Variants in CACNA2D3 observed in about 807,000 individuals in gnomAD.
CACNA2D3 encodes the protein calcium voltage-gated channel auxiliary subunit alpha2delta 3.
Under a neutral mutation model 160.6 loss-of-function variants are expected in CACNA2D3, and 60 were observed. That is an observed-to-expected ratio of 0.37 (90% CI 0.30 to 0.46). CACNA2D3 has a LOEUF of 0.46. CACNA2D3 is among the 20% of genes least tolerant of loss of function. The pLI, the probability that CACNA2D3 is intolerant of heterozygous loss-of-function variation, is 1.00. For missense variants in CACNA2D3, 1,205 were observed against 1,365.0 expected, an observed-to-expected ratio of 0.88 and a Z score of 1.85; for synonymous variants, 558 against 492.9, an observed-to-expected ratio of 1.13 and a Z score of -1.75.
intron 2 of CACNA2D3, among the ~76,000 whole-genome samples, chr3:54,298,075 A>G (rs1703380192): frequency 6.6e-6 from 1 of 152,228 alleles, no homozygotes; most frequent in Non-Finnish European, 1.5e-5. Flanking sequence ...GAATGAGCGT[A>G]AGCCAAAGAG....
At chr3:54,715,511 G>C (rs1455864705) in intron 11 of CACNA2D3, among the ~76,000 whole-genome samples, 1 of 151,962 alleles carries the variant, frequency 6.6e-6, no homozygotes, top group Non-Finnish European at 1.5e-5. Context: ...CCAGAATATG[G>C]GGGGGGCAGG....
intron 4 of CACNA2D3, among the ~76,000 whole-genome samples, chr3:54,391,763 G>A (rs1038603940): frequency 6.6e-6 from 1 of 152,030 alleles, no homozygotes; most frequent in African/African-American, 2.4e-5. Context: ...TGCCTGACTT[G>A]GCCTCCCAAA....
At chr3:54,989,114 T>C (rs1702682112) in intron 31 of CACNA2D3, among the ~76,000 whole-genome samples, 1 of 152,224 alleles carries the variant, frequency 6.6e-6, no homozygotes, top group Non-Finnish European at 1.5e-5. Flanking sequence ...TATGTGGATG[T>C]GTGCATTTGT....
chr3:54,785,238 T>C (rs1271680726), intron 13 of CACNA2D3, among the ~76,000 whole-genome samples: 1 of 152,202 alleles, frequency 6.6e-6, no homozygotes, highest in Non-Finnish European at 1.5e-5. Context: ...GCAGTGATTT[T>C]AAAAAGGGTC....
At chr3:55,026,205 T>C (rs1465504615) in intron 35 of CACNA2D3, among the ~76,000 whole-genome samples, 1 of 152,332 alleles carries the variant, frequency 6.6e-6, no homozygotes, top group South Asian at 2.1e-4. Flanking sequence ...TTCTTATTGC[T>C]AACTTGTGAG....
intron 17 of CACNA2D3, among the ~76,000 whole-genome samples, chr3:54,870,119 G>A (rs774471585): frequency 6.6e-6 from 1 of 152,150 alleles, no homozygotes; most frequent in Non-Finnish European, 1.5e-5. Flanking sequence ...CAGTTGACAG[G>A]TAAGAAAAGA....
intron 2 of CACNA2D3, among the ~76,000 whole-genome samples, chr3:54,191,058 A>G (rs1204941851): frequency 2.0e-5 from 3 of 152,054 alleles, no homozygotes; most frequent in Non-Finnish European, 2.9e-5. Context: ...AAAAAAAAAA[A>G]AAAAAAAGTG....
At chr3:55,069,202 C>T (rs1206057168) in intron 35 of CACNA2D3, among the ~76,000 whole-genome samples, 1 of 152,120 alleles carries the variant, frequency 6.6e-6, no homozygotes, top group Non-Finnish European at 1.5e-5. Flanking sequence ...TTTTATAAAA[C>T]CCAATCTTTT....
intron 32 of CACNA2D3, among the ~76,000 whole-genome samples, chr3:55,007,024 A>G (rs1187631319): frequency 6.6e-6 from 1 of 152,182 alleles, no homozygotes; most frequent in Non-Finnish European, 1.5e-5. Context: ...TTCACCCACC[A>G]CTCACATAAC....
intron 2 of CACNA2D3, among the ~76,000 whole-genome samples, chr3:54,249,479 G>GGCTGCCAGGCTACATTTGAACTT (rs1402055505): frequency 6.6e-6 from 1 of 151,660 alleles, no homozygotes; most frequent in African/African-American, 2.4e-5. Flanking sequence ...TGGGTCTCCA[G>GGCTGCCAGGCTACATTTGAACTT]GCTGCCAGGC....
At chr3:54,172,538 C>T (rs1015142066) in intron 2 of CACNA2D3, among the ~76,000 whole-genome samples, 2 of 152,154 alleles carry the variant, frequency 1.3e-5, no homozygotes, top group African/African-American at 4.8e-5. Flanking sequence ...GAACCCAATG[C>T]TAAGTACATG....
At chr3:54,807,075 A>G (rs984287209) in intron 13 of CACNA2D3, among the ~76,000 whole-genome samples, 1 of 152,240 alleles carries the variant, frequency 6.6e-6, no homozygotes, top group South Asian at 2.1e-4. Flanking sequence ...AAAGACTTAA[A>G]CATTAGACCT....
chr3:54,717,550 G>GGT (rs35851414), intron 11 of CACNA2D3, among the ~76,000 whole-genome samples: 35 of 147,976 alleles, frequency 2.4e-4, no homozygotes, highest in African/African-American at 6.7e-4. Flanking sequence ...GTGCATGTGT[G>GGT]GTGTGTGTGT....
chr3:54,227,455 T>A (rs1427409436), intron 2 of CACNA2D3, among the ~76,000 whole-genome samples: 1 of 149,982 alleles, frequency 6.7e-6, no homozygotes, highest in Non-Finnish European at 1.5e-5. Flanking sequence ...TTTAGAAGAG[T>A]AAAATTTGGT....
chr3:55,044,401 A>C (rs1224909650), intron 35 of CACNA2D3, among the ~76,000 whole-genome samples: 3 of 152,110 alleles, frequency 2.0e-5, no homozygotes, highest in African/African-American at 7.2e-5. Context: ...CGAACTGTTC[A>C]TTGCTAGGAT....
At chr3:54,698,610 A>G (rs1700708621) in intron 11 of CACNA2D3, among the ~76,000 whole-genome samples, 2 of 152,164 alleles carry the variant, frequency 1.3e-5, no homozygotes, top group Admixed American at 1.3e-4. Context: ...ATTAAAACTC[A>G]ATCTCTGCCT....
chr3:54,661,667 G>A (rs1455164836), intron 11 of CACNA2D3, among the ~76,000 whole-genome samples: 1 of 152,152 alleles, frequency 6.6e-6, no homozygotes, highest in Non-Finnish European at 1.5e-5. Flanking sequence ...GCAGATGCTG[G>A]GGTGTGGATC....
Position 54,285,055 on chromosome 3 carries a change from C to T in CACNA2D3, c.205-35387C>T, listed in dbSNP as rs185349362. The stretch of plus-strand genomic sequence containing the variant: ...TTTCCATCTGAGGTACCGGGTTCAT[C>T]TTACTAGGGAGTGCCAGACAGTGGG... On this transcript the variant is annotated intron_variant, in intron 2 of 37. Transcript: ENST00000474759. 4.2e-4 allele frequency among the ~76,000 whole-genome samples: 64 copies of T among 152,312 alleles called. No individual in the cohort carries two copies. The East Asian group carries it at 0.012, about 29-fold the overall frequency.
At chr3:54,618,753 T>A (rs1429849574) in intron 9 of CACNA2D3, among the ~76,000 whole-genome samples, 1 of 152,144 alleles carries the variant, frequency 6.6e-6, no homozygotes, top group Non-Finnish European at 1.5e-5. Flanking sequence ...TGCAAAGAAC[T>A]GTAGGTGTGA....
Sources: allele counts gnomAD v4.1 joint callset (sites outside exome capture counted in the v4.1 genomes callset), GRCh38; gene constraint gnomAD v4.1.1; transcripts MANE v1.5; gene names NCBI Gene and HGNC (gene_info 2026-07-23, HGNC 2026-07-21).